The following SPIRE2 variants were observed in gnomAD, a reference collection of about 807,000 sequenced individuals.
The protein encoded by SPIRE2 is protein spire homolog 2.
SPIRE2 carries 76 observed loss-of-function variants against 80.7 expected under a neutral mutation model. The ratio of observed to expected loss-of-function variants is 0.94; its 90% CI spans 0.78 to 1.14. The LOEUF (loss-of-function observed/expected upper bound fraction) is 1.14. Among genes scored for constraint, SPIRE2 ranks in the 50% most tolerant of loss-of-function variants. The pLI, the probability that SPIRE2 is intolerant of heterozygous loss-of-function variation, is 0.00. For synonymous variants in SPIRE2, 535 were observed against 432.6 expected (o/e 1.24, Z -2.94); for missense variants, 1,196 against 1,015.3 (o/e 1.18, Z -2.42).
rs796135682 is a variant in SPIRE2, at chr16:89,866,594, C to A, written c.1779-1595C>A. Among the ~76,000 whole-genome samples the A allele has an allele frequency of 4.3e-5, 6 of 141,160 alleles. No individual in the cohort carries two copies. In the South Asian group the frequency reaches 1.2e-3, roughly 28 times the overall value. The allele number at this position is 141,160 out of a possible 152,430, so 92.6% of individuals were successfully genotyped here. On this transcript the variant is annotated intron_variant, in intron 12 of 14. Coordinates refer to ENST00000378247, the MANE Select transcript of SPIRE2 (RefSeq NM_032451.2). Reference sequence around the variant, plus strand: ...ACAGCGGTGAGCCACCACGCCCAGCCTTGAATTTTTTTTTTTTTCTTTTTT... The same window carrying A: ...ACAGCGGTGAGCCACCACGCCCAGCATTGAATTTTTTTTTTTTTCTTTTTT...
intron 3 of SPIRE2, among the ~76,000 whole-genome samples, chr16:89,851,392 G>A (rs536074084): frequency 2.2e-4 from 34 of 152,214 alleles, no homozygotes; most frequent in East Asian, 3.9e-4. Context: ...GGGTGGGGAC[G>A]GGCCGTTCGG....
intron 3 of SPIRE2, 119 bp from the exon 4 acceptor site, chr16:89,854,167 T>A: frequency 1.1e-6 from 1 of 931,308 alleles, no homozygotes; most frequent in Non-Finnish European, 1.7e-6. Context: ...CCCAGCTGTC[T>A]CTTTTCCGGC....
intron 1 of SPIRE2, among the ~76,000 whole-genome samples, chr16:89,843,990 C>T (rs1371268803): frequency 1.4e-5 from 2 of 148,100 alleles, no homozygotes; most frequent in African/African-American, 2.5e-5. Context: ...CATGAGCTGC[C>T]GTGCCTGGCC....
chr16:89,856,038 G>A (rs978097868), intron 6 of SPIRE2, 75 bp from the exon 7 acceptor site: 77 of 1,574,206 alleles, frequency 4.9e-5, no homozygotes, highest in Non-Finnish European at 6.0e-5. Flanking sequence ...CACAGGTCCC[G>A]CTTCCCCACC....
In SPIRE2 at chr16:89,837,470, G is replaced by T. The variant is rs530693801; in HGVS notation, c.245-7852G>T. 2.6e-5 allele frequency among the ~76,000 whole-genome samples: 4 copies of T among 152,314 alleles called. No individual in the cohort carries two copies. In the South Asian group the frequency reaches 8.3e-4, roughly 32 times the overall value. On this transcript the variant is annotated intron_variant, in intron 1 of 14. Transcript: ENST00000378247. ...TGTGACAGGGGTGCTTCTTAGCCAG[G>T]AGAGAGGGCACCTTCTCAGGTAGGA...
intron 5 of SPIRE2, among the ~76,000 whole-genome samples, chr16:89,854,953 T>G (rs1024323724): frequency 2.6e-5 from 4 of 152,080 alleles, no homozygotes; most frequent in Admixed American, 2.0e-4. Context: ...TTTTTTTCTT[T>G]TTTGAGACGG....
chr16:89,841,426 C>A (rs1277960342), intron 1 of SPIRE2, among the ~76,000 whole-genome samples: 2 of 152,078 alleles, frequency 1.3e-5, no homozygotes, highest in African/African-American at 2.4e-5. Context: ...TTTGCATAAC[C>A]CCATGTGGCC....
intron 9 of SPIRE2, among the ~76,000 whole-genome samples, chr16:89,859,839 G>A (rs1307119333): frequency 3.3e-5 from 5 of 152,104 alleles, no homozygotes; most frequent in African/African-American, 4.8e-5. Flanking sequence ...TGAACTTTAC[G>A]GAGAGCCCTC....
At chr16:89,836,180 C>G (rs1250846389) in intron 1 of SPIRE2, 2 of 455,796 alleles carry the variant, frequency 4.4e-6, no homozygotes, top group Non-Finnish European at 8.8e-6. Context: ...ATTTCAAAAA[C>G]AAAAACAAAA....
chr16:89,867,019 A>C (rs775304572), intron 12 of SPIRE2, among the ~76,000 whole-genome samples: 3 of 152,178 alleles, frequency 2.0e-5, no homozygotes, highest in African/African-American at 7.2e-5. Flanking sequence ...TCTAGCTTCC[A>C]TGGTGCTTTT....
intron 12 of SPIRE2, among the ~76,000 whole-genome samples, chr16:89,864,580 C>T (rs576807421): frequency 1.9e-4 from 29 of 152,312 alleles, no homozygotes; most frequent in African/African-American, 4.6e-4. Flanking sequence ...TCTGAAGGGA[C>T]GGTGCTCAGG....
chr16:89,853,733 G>A (rs1211587333), intron 3 of SPIRE2, among the ~76,000 whole-genome samples: 1 of 151,718 alleles, frequency 6.6e-6, no homozygotes, highest in Non-Finnish European at 1.5e-5. Flanking sequence ...GGCAGCAGGT[G>A]CCGCGCCTTC....
At position 89,850,662 on chromosome 16, in the gene SPIRE2, T is replaced by C. The variant is rs1196497174; in HGVS notation, c.645+2T>C. ...GCCAGGGTCCGGGAGGCCAAGGAGG[T>C]GAGCGGTGGGTGGGGGCGACCGTGG... On this transcript the variant is annotated splice_donor_variant, in intron 3 of 14. Transcript: ENST00000378247. LOFTEE classifies it high-confidence loss of function. The C allele has an allele frequency of 9.7e-6, 14 of 1,446,764 alleles. No homozygotes were observed. Among genetic ancestry groups the C allele is most frequent in the Non-Finnish European group, 1.3e-5 (14 of 1,106,854 alleles). The allele number at this position is 1,446,764 out of a possible 1,614,324, so 89.6% of individuals were successfully genotyped here.
chr16:89,845,403 G>A (rs1366674168), intron 2 of SPIRE2, 38 bp downstream of exon 2: 3 of 1,536,382 alleles, frequency 2.0e-6, no homozygotes, highest in East Asian at 2.2e-5. Context: ...CTTGATGTGT[G>A]TTAAAACGTA....
chr16:89,855,602 G>A lies in SPIRE2; in HGVS notation c.894G>A (p.Val298=). The stretch of plus-strand genomic sequence containing the variant: ...CAGATCAGCCGTCCTCCCCGCAGGT[G>A]GATGGGGACATCCCGCCCCGGGTGA... ...ARNYKLRKVM[V]DGDIPPRVKK... is the part of the protein sequence containing the mutation. Residue 298 remains valine (V), a splice_region_variant and synonymous_variant, in exon 6 of 15, where the codon GTG becomes GTA. Transcript: ENST00000378247. 6.2e-7 allele frequency: 1 copy of A among 1,612,520 alleles called. No individual in the cohort carries two copies. Among genetic ancestry groups the A allele is most frequent in the Non-Finnish European group, 8.5e-7 (1 of 1,179,784 alleles).
At chr16:89,860,562 C>G in intron 9 of SPIRE2, 121 bp from the exon 10 acceptor site, 1 of 682,040 alleles carries the variant, frequency 1.5e-6, no homozygotes, top group Non-Finnish European at 2.5e-6. Context: ...GGCCGCTTCT[C>G]CCCTTGACCT....
rs766274497 is a variant in SPIRE2, at chr16:89,869,706, A to C, written c.1922+24A>C. 38 of 1,575,194 alleles carry C rather than the reference A, an allele frequency of 2.4e-5. No homozygotes were observed. In the African/African-American group the frequency reaches 4.5e-4, roughly 18 times the overall value. On this transcript the variant is annotated intron_variant, in intron 14 of 14. Transcript: ENST00000378247. ...CAGTGCGTTCTTCGCCTTGCTGCTG[A>C]TGTCACTGTGGTGGTCGGGCGTGAA...
At chr16:89,832,707 G>A (rs750816803) in intron 1 of SPIRE2, among the ~76,000 whole-genome samples, 9 of 152,136 alleles carry the variant, frequency 5.9e-5, no homozygotes, top group Non-Finnish European at 1.0e-4. Flanking sequence ...ATGAGGCCAG[G>A]TGCCCCTTAC....
At chr16:89,844,650 G>A (rs1400302429) in intron 1 of SPIRE2, among the ~76,000 whole-genome samples, 1 of 152,142 alleles carries the variant, frequency 6.6e-6, no homozygotes, top group Non-Finnish European at 1.5e-5. Flanking sequence ...GTGTTAGCCA[G>A]GATGGCCCCG....
Sources: allele counts gnomAD v4.1 joint callset (sites outside exome capture counted in the v4.1 genomes callset), GRCh38; gene constraint gnomAD v4.1.1; transcripts MANE v1.5; gene names NCBI Gene and HGNC (gene_info 2026-07-23, HGNC 2026-07-21).